The following PRMT3 variants were observed in gnomAD, a reference collection of about 807,000 sequenced individuals.
PRMT3 encodes the protein protein arginine N-methyltransferase 3.
PRMT3 carries 62 observed loss-of-function variants against 71.9 expected under a neutral mutation model. That is an observed-to-expected ratio of 0.86 (90% CI 0.70 to 1.07). The LOEUF (loss-of-function observed/expected upper bound fraction) is 1.07, where lower values mean the gene tolerates loss of function less well. Ranked by LOEUF, PRMT3 falls within the 50% of genes least tolerant of loss-of-function variation. The pLI, the probability that PRMT3 is intolerant of heterozygous loss-of-function variation, is 0.00. For synonymous variants in PRMT3, 213 were observed against 220.4 expected (o/e 0.97, Z 0.30); for missense variants, 663 against 643.0 (o/e 1.03, Z -0.34).
At chr11:20,503,489 G>A (rs1851506165) in intron 15 of PRMT3, among the ~76,000 whole-genome samples, 1 of 152,072 alleles carries the variant, frequency 6.6e-6, no homozygotes, top group Non-Finnish European at 1.5e-5. Context: ...AGTTTCTTCT[G>A]CAATTCCCTG....
At chr11:20,491,060 C>A (rs1851194762) in intron 13 of PRMT3, among the ~76,000 whole-genome samples, 1 of 152,044 alleles carries the variant, frequency 6.6e-6, no homozygotes, top group Non-Finnish European at 1.5e-5. Context: ...CTGTCTTTTT[C>A]CCTTCTTCAA....
intron 10 of PRMT3, among the ~76,000 whole-genome samples, chr11:20,441,366 C>T (rs75260357): frequency 0.047 from 7,099 of 151,320 alleles, 269 homozygotes; most frequent in East Asian, 0.2. Context: ...AGTGCAGTGG[C>T]GCAATCTCGG....
chr11:20,455,330 TAAAG>T (rs1247766911), intron 11 of PRMT3, among the ~76,000 whole-genome samples: 2 of 150,192 alleles, frequency 1.3e-5, no homozygotes, highest in African/African-American at 2.5e-5. Context: ...AATAGAAACT[TAAAG>T]AATATTATTT....
chr11:20,416,216 C>T (rs961473971), intron 9 of PRMT3, among the ~76,000 whole-genome samples: 1 of 152,148 alleles, frequency 6.6e-6, no homozygotes, highest in African/African-American at 2.4e-5. Flanking sequence ...CTGATTTCCC[C>T]ACTTAATTCT....
In PRMT3 at chr11:20,504,183, A is replaced by AAAGTT. The variant is rs1364753586; in HGVS notation, c.1487-4118_1487-4114dup. 1.8e-4 allele frequency among the ~76,000 whole-genome samples: 28 copies of AAAGTT among 152,194 alleles called. 1 individual carries two copies. Among genetic ancestry groups the AAAGTT allele is most frequent in the Admixed American group, 1.5e-3 (23 of 15,278 alleles). On this transcript the variant is annotated intron_variant, in intron 15 of 15. Coordinates refer to ENST00000331079, the MANE Select transcript of PRMT3 (RefSeq NM_005788.4). ...TGGTCATCTAATTGAGTTAAATTTA[A>AAAGTT]AAGTTAATAATAGTTCATCTTTTCC...
chr11:20,500,012 T>C (rs1385223958), intron 15 of PRMT3, among the ~76,000 whole-genome samples: 1 of 152,150 alleles, frequency 6.6e-6, no homozygotes, highest in Non-Finnish European at 1.5e-5. Flanking sequence ...CCAGCAAACT[T>C]GTGGTAAATT....
At chr11:20,495,960 A>G (rs1409888465) in intron 15 of PRMT3, among the ~76,000 whole-genome samples, 1 of 152,224 alleles carries the variant, frequency 6.6e-6, no homozygotes. Context: ...AATGTAGCCA[A>G]ATGGAACTTT....
chr11:20,451,705 C>A (rs1214475974), intron 10 of PRMT3, among the ~76,000 whole-genome samples: 2 of 152,004 alleles, frequency 1.3e-5, no homozygotes, highest in Non-Finnish European at 2.9e-5. Context: ...TCATCCCCCA[C>A]CCCCAGTTGC....
intron 13 of PRMT3, among the ~76,000 whole-genome samples, chr11:20,469,835 G>A (rs1279878506): frequency 6.6e-6 from 1 of 151,716 alleles, no homozygotes; most frequent in Non-Finnish European, 1.5e-5. Context: ...TTTTCTATTA[G>A]CATGTACCAG....
Position 20,407,966 on chromosome 11 carries a change from C to G in PRMT3, c.827C>G (p.Ala276Gly), listed in dbSNP as rs1382197854. ...TGILSMFAAK[A>G]GAKKVLGVDQ... is the part of the protein sequence containing the mutation. ...ATTCTCTCTATGTTTGCTGCTAAAG[C>G]TGGGGCGAAGAAGGTTCTTGGAGTT... Residue 276 changes from alanine to glycine, a missense_variant, in exon 9 of 16, where the codon GCT (alanine) becomes GGT (glycine). Ala to Gly is a moderately conservative substitution (Grantham distance 60, BLOSUM62 0). Coordinates refer to ENST00000331079, the MANE Select transcript of PRMT3 (RefSeq NM_005788.4). The G allele has an allele frequency of 6.2e-7, 1 of 1,608,042 alleles. No individual in the cohort carries two copies. Among genetic ancestry groups the G allele is most frequent in the African/African-American group, 1.3e-5 (1 of 74,752 alleles).
At chr11:20,498,662 A>G (rs187573150) in intron 15 of PRMT3, among the ~76,000 whole-genome samples, 1 of 152,304 alleles carries the variant, frequency 6.6e-6, no homozygotes, top group Admixed American at 6.5e-5. Context: ...CCCAGGAGGC[A>G]GAGGTTGCAG....
chr11:20,473,887 G>A (rs189699892), intron 13 of PRMT3, among the ~76,000 whole-genome samples: 1 of 151,982 alleles, frequency 6.6e-6, no homozygotes, highest in East Asian at 1.9e-4. Flanking sequence ...CTTTGAGGTT[G>A]TTAACCTTTG....
chr11:20,500,915 T>C (rs577917754), intron 15 of PRMT3, among the ~76,000 whole-genome samples: 16 of 152,178 alleles, frequency 1.1e-4, no homozygotes, highest in Admixed American at 2.0e-4. Context: ...CAGGATAAAA[T>C]ACAAACTCCT....
rs530025159 is a variant in PRMT3 at position 20,469,121 on chromosome 11, C to T, written c.1347+4575C>T. The stretch of plus-strand genomic sequence containing the variant: ...GACAGTTTAGATAAAATTGTCATTG[C>T]TTTTACAATAGAGATGAAGTTTAGC... On this transcript the variant is annotated intron_variant, in intron 13 of 15. Coordinates refer to ENST00000331079, the MANE Select transcript of PRMT3 (RefSeq NM_005788.4). Among the ~76,000 whole-genome samples the T allele has an allele frequency of 7.9e-5, 12 of 152,232 alleles. No individual in the cohort carries two copies. In the South Asian group the frequency reaches 2.3e-3, roughly 29 times the overall value.
chr11:20,436,867 C>T (rs564262937), intron 10 of PRMT3, among the ~76,000 whole-genome samples: 32 of 151,980 alleles, frequency 2.1e-4, no homozygotes, highest in Non-Finnish European at 3.8e-4. Flanking sequence ...GGTGTTAGTT[C>T]TTTAAGGGTT....
At chr11:20,497,295 C>T (rs1295226256) in intron 15 of PRMT3, among the ~76,000 whole-genome samples, 5 of 152,114 alleles carry the variant, frequency 3.3e-5, no homozygotes, top group Admixed American at 6.5e-5. Context: ...TATAGAATAT[C>T]GTGAAGGAGG....
intron 13 of PRMT3, among the ~76,000 whole-genome samples, chr11:20,481,034 A>G (rs1277768599): frequency 6.6e-6 from 1 of 152,158 alleles, no homozygotes; most frequent in African/African-American, 2.4e-5. Context: ...AGTAGGAATC[A>G]AAGAACATTT....
Position 20,391,882 on chromosome 11 carries a change from T to C in PRMT3, c.248-329T>C, listed in dbSNP as rs1392326983. Among the ~76,000 whole-genome samples, 6 of 145,360 alleles carry C rather than the reference T, an allele frequency of 4.1e-5. No individual in the cohort carries two copies. In the East Asian group the frequency reaches 1.2e-3, roughly 29 times the overall value. On this transcript the variant is annotated intron_variant, in intron 3 of 15. Transcript: ENST00000331079. ...AGGGATTTAATACTTTCAGCTCTGATATCAGTTGCCAAATACTTGGTAAAA... is the reference window on the plus strand; with the variant it reads ...AGGGATTTAATACTTTCAGCTCTGACATCAGTTGCCAAATACTTGGTAAAA...
intron 15 of PRMT3, among the ~76,000 whole-genome samples, chr11:20,507,532 T>G (rs750780866): frequency 7.2e-5 from 11 of 152,174 alleles, no homozygotes; most frequent in Non-Finnish European, 1.5e-4. Flanking sequence ...TCCCAGCACT[T>G]TGGGAGGCTG....
Sources: allele counts gnomAD v4.1 joint callset (sites outside exome capture counted in the v4.1 genomes callset), GRCh38; gene constraint gnomAD v4.1.1; transcripts MANE v1.5; gene names NCBI Gene and HGNC (gene_info 2026-07-23, HGNC 2026-07-21).